ALKAL1: variants seen among roughly 807,000 people sequenced by gnomAD.
ALKAL1 encodes AUG-beta.
In ALKAL1, 23 loss-of-function variants were observed where a neutral mutation model predicts 13.5. That is an observed-to-expected ratio of 1.70 (90% confidence interval 1.23 to 2.41). The LOEUF is 2.41. Among genes scored for constraint, ALKAL1 ranks in the 30% most tolerant of loss-of-function variants. The pLI is 0.00. For missense variants in ALKAL1, 181 were observed against 178.4 expected, an observed-to-expected ratio of 1.01 and a Z score of -0.08; for synonymous variants, 85 against 77.7, an observed-to-expected ratio of 1.09 and a Z score of -0.49.
intron 1 of ALKAL1, among the ~76,000 whole-genome samples, chr8:52,556,733 C>G (rs1847488021): frequency 6.9e-6 from 1 of 144,994 alleles, no homozygotes; most frequent in Admixed American, 6.9e-5. Context: ...AACCAAAATT[C>G]AATTCATCAA....
chr8:52,538,249 A>G (rs1470161443), intron 4 of ALKAL1, among the ~76,000 whole-genome samples, 182 bp downstream of exon 4: 1 of 152,118 alleles, frequency 6.6e-6, no homozygotes, highest in Non-Finnish European at 1.5e-5. Flanking sequence ...GCTGCAAAAG[A>G]AGGTTTTGAA....
chr8:52,561,234 T>C (rs1232686604), intron 1 of ALKAL1, among the ~76,000 whole-genome samples: 1 of 152,190 alleles, frequency 6.6e-6, no homozygotes, highest in Non-Finnish European at 1.5e-5. Flanking sequence ...ATTTGGGCTG[T>C]ACAAATAAAA....
intron 1 of ALKAL1, among the ~76,000 whole-genome samples, chr8:52,556,646 C>CAAAAAAAAA (rs59483863): frequency 3.9e-5 from 2 of 51,370 alleles, no homozygotes; most frequent in African/African-American, 9.0e-5. Flanking sequence ...AACTCTGTCT[C>CAAAAAAAAA]AAAAAAAAAA....
At chr8:52,564,639 G>A (rs1428932351) in intron 1 of ALKAL1, among the ~76,000 whole-genome samples, 1 of 152,186 alleles carries the variant, frequency 6.6e-6, no homozygotes, top group East Asian at 1.9e-4. Flanking sequence ...AAGGGGAGGG[G>A]AAAGGGGCAT....
At position 52,565,076 on chromosome 8, in the gene ALKAL1, G is replaced by A; in HGVS notation, c.181C>T (p.Arg61Trp). 1 of 1,401,082 alleles carries A rather than the reference G, an allele frequency of 7.1e-7. No individual in the cohort carries two copies. Among genetic ancestry groups the A allele is most frequent in the Admixed American group, 3.2e-5 (1 of 31,574 alleles). 86.8% of individuals were successfully genotyped at this position (1,401,082 alleles called of 1,614,324 possible). ...GATGGGGACATCGTACCTGCGCTCC[G>A]GGAGCCGCTGGGAGTCCGGCCGGCC... is the stretch of plus-strand genomic sequence containing the variant. ...AGAGRTPSGSRSAEIFPRDSN... is the reference protein window; with the variant it reads ...AGAGRTPSGSWSAEIFPRDSN... Residue 61 changes from arginine to tryptophan, a missense_variant, in exon 1 of 5, where the codon CGG (arginine) becomes TGG (tryptophan). Coordinates refer to ENST00000358543, the MANE Select transcript of ALKAL1 (RefSeq NM_207413.4).
At position 52,534,446 on chromosome 8, in the gene ALKAL1, A is replaced by G. The variant is rs1381334967; in HGVS notation, c.*167T>C. 1 of 424,964 alleles carries G rather than the reference A, an allele frequency of 2.4e-6. No homozygotes were observed. Among genetic ancestry groups the G allele is most frequent in the Non-Finnish European group, 4.1e-6 (1 of 243,048 alleles). The allele number at this position is 424,964 out of a possible 1,614,324, so 26.3% of individuals were successfully genotyped here. ...AAAAAGATAAAGCAAGAAAGACTCC[A>G]TTCTATGACAGGAAACAGCTAACCA... On this transcript the variant is annotated 3_prime_UTR_variant, in exon 5 of 5. Transcript: ENST00000358543.
chr8:52,556,338 T>C (rs1847480807), intron 1 of ALKAL1, among the ~76,000 whole-genome samples: 1 of 152,106 alleles, frequency 6.6e-6, no homozygotes. Context: ...GAATGGAATA[T>C]GTATGGGTTT....
intron 1 of ALKAL1, among the ~76,000 whole-genome samples, chr8:52,556,328 G>A (rs1271165405): frequency 6.6e-6 from 1 of 152,128 alleles, no homozygotes; most frequent in Admixed American, 6.5e-5. Flanking sequence ...TTTTTCCTAA[G>A]AATGGAATAT....
chr8:52,564,623 G>A (rs2150349020), intron 1 of ALKAL1, among the ~76,000 whole-genome samples: 1 of 152,314 alleles, frequency 6.6e-6, no homozygotes, highest in South Asian at 2.1e-4. Context: ...GCTGCGGCCA[G>A]CGTGAAAGGG....
intron 1 of ALKAL1, among the ~76,000 whole-genome samples, chr8:52,554,930 G>A (rs572870398): frequency 6.6e-6 from 1 of 152,332 alleles, no homozygotes; most frequent in Admixed American, 6.5e-5. Context: ...CCAGCACTTT[G>A]GGAGGCTGAG....
Position 52,553,513 on chromosome 8 carries a change from C to A in ALKAL1, c.191-11068G>T, listed in dbSNP as rs147671413. On this transcript the variant is annotated intron_variant, in intron 1 of 4. Transcript: ENST00000358543. ...CTTAGGACTGGACAGTCATGCTTTG[C>A]CTTCTCAGCCAAAGTAAAATTCTGT... Among the ~76,000 whole-genome samples the A allele has an allele frequency of 6.0e-3, 915 of 152,282 alleles. 10 individuals are homozygous for A. The highest frequency in any genetic ancestry group is 0.021 in the African/African-American group (875 of 41,546).
At chr8:52,562,860 C>T (rs1040006233) in intron 1 of ALKAL1, among the ~76,000 whole-genome samples, 2 of 152,202 alleles carry the variant, frequency 1.3e-5, no homozygotes, top group African/African-American at 4.8e-5. Context: ...CCCCTGCCAC[C>T]TGCTGAGTGC....
At chr8:52,549,284 C>T (rs1390582232) in intron 1 of ALKAL1, among the ~76,000 whole-genome samples, 1 of 151,890 alleles carries the variant, frequency 6.6e-6, no homozygotes, top group Non-Finnish European at 1.5e-5. Flanking sequence ...AACAAGTTCC[C>T]ATTTCAAAAA....
intron 1 of ALKAL1, among the ~76,000 whole-genome samples, chr8:52,551,172 G>C (rs995106625): frequency 6.6e-6 from 1 of 152,122 alleles, no homozygotes; most frequent in Non-Finnish European, 1.5e-5. Flanking sequence ...TCTGTAATGT[G>C]AGGTTTTATT....
rs187794574 is a variant in ALKAL1, at chr8:52,562,481, A to G, written c.190+2586T>C. 3.4e-3 allele frequency among the ~76,000 whole-genome samples: 524 copies of G among 152,270 alleles called. 2 individuals carry two copies. The highest frequency in any genetic ancestry group is 0.012 in the African/African-American group (489 of 41,568). On this transcript the variant is annotated intron_variant, in intron 1 of 4. Coordinates refer to ENST00000358543, the MANE Select transcript of ALKAL1 (RefSeq NM_207413.4). ...CTGTGAGAAGGAAGGAGGGCCAAGG[A>G]CGGTGAATCAGGAGTGTTCCTGGGA...
intron 4 of ALKAL1, among the ~76,000 whole-genome samples, chr8:52,538,106 C>T (rs1847279665): frequency 6.8e-6 from 1 of 147,646 alleles, no homozygotes; most frequent in African/African-American, 2.5e-5. Flanking sequence ...AAAAAAAAGG[C>T]TAAAGAGGAG....
chr8:52,535,963 G>A lies in ALKAL1; in HGVS notation c.*13-1363C>T, dbSNP rs147776040. Among the ~76,000 whole-genome samples the A allele has an allele frequency of 2.1e-3, 323 of 151,898 alleles. 1 individual carries two copies. The highest frequency in any genetic ancestry group is 3.0e-3 in the Non-Finnish European group (205 of 67,952). ...ATGACCATTTTTTTTTTTTGAGACG[G>A]AGTCTCGCTCTGTTGCCAAGCCTGG... On this transcript the variant is annotated intron_variant, in intron 4 of 4. Transcript: ENST00000358543.
chr8:52,535,550 C>CAAAAAAAAAAAAAAA (rs10719477), intron 4 of ALKAL1, among the ~76,000 whole-genome samples: 1 of 68,630 alleles, frequency 1.5e-5, no homozygotes, highest in East Asian at 4.2e-4. Context: ...GACCCTGTCT[C>CAAAAAAAAAAAAAAA]AAAAAAAAAA....
intron 1 of ALKAL1, among the ~76,000 whole-genome samples, chr8:52,548,341 G>A (rs531254205): frequency 2.7e-5 from 4 of 150,762 alleles, no homozygotes; most frequent in East Asian, 1.9e-4. Flanking sequence ...GCGAGACTCC[G>A]TCTCAAAAGA....
Sources: gnomAD v4.1 joint callset for allele counts (sites outside exome capture counted in the v4.1 genomes callset) on GRCh38, gnomAD v4.1.1 for gene constraint, MANE v1.5 for transcripts, NCBI Gene and HGNC (gene_info 2026-07-23, HGNC 2026-07-21) for gene names.